The following PLEKHA6 variants were observed in gnomAD, a reference collection of about 807,000 sequenced individuals.
The protein encoded by PLEKHA6 is pleckstrin homology domain containing A6.
PLEKHA6 carries 60 observed loss-of-function variants against 116.7 expected under a neutral mutation model. That is an observed-to-expected ratio of 0.51 (90% CI 0.42 to 0.64). PLEKHA6 has a LOEUF of 0.64. PLEKHA6 is among the 30% of genes least tolerant of loss of function. The pLI is 0.00. For synonymous variants in PLEKHA6, 489 were observed against 556.1 expected (o/e 0.88, Z 1.70); for missense variants, 1,338 against 1,422.7 (o/e 0.94, Z 0.96).
intron 21 of PLEKHA6, among the ~76,000 whole-genome samples, chr1:204,225,939 C>T (rs1005082995): frequency 2.6e-5 from 4 of 152,250 alleles, no homozygotes; most frequent in South Asian, 2.1e-4. Context: ...ATATTACATA[C>T]CTGAGTCTGC....
At chr1:204,285,377 T>A (rs916595068) in intron 1 of PLEKHA6, among the ~76,000 whole-genome samples, 9 of 152,184 alleles carry the variant, frequency 5.9e-5, no homozygotes, top group Non-Finnish European at 1.3e-4. Flanking sequence ...AATGATATAC[T>A]CCAAAGTTCA....
At chr1:204,254,086 G>A (rs191544662) in intron 9 of PLEKHA6, among the ~76,000 whole-genome samples, 98 of 152,344 alleles carry the variant, frequency 6.4e-4, no homozygotes, top group South Asian at 4.4e-3. Context: ...TCAGGAATCC[G>A]GAGGTGGGTG....
rs1659426288 is a variant in PLEKHA6, at chr1:204,219,440, A to G, written c.*3348T>C. The G allele has an allele frequency of 6.6e-6, 1 of 152,504 alleles. No homozygotes were observed. The highest frequency in any genetic ancestry group is 1.5e-5 in the Non-Finnish European group (1 of 68,036). The allele number at this position is 152,504 out of a possible 1,614,324, so 9.4% of individuals were successfully genotyped here. On this transcript the variant is annotated 3_prime_UTR_variant, in exon 23 of 23. Transcript: ENST00000272203. ...CTTAGAAAATCTTCAAAGTGACAGT[A>G]GCAGTATTTGACTGCAGCCTCTTGG...
chr1:204,286,234 C>T (rs747229911), intron 1 of PLEKHA6, among the ~76,000 whole-genome samples: 3 of 152,060 alleles, frequency 2.0e-5, no homozygotes, highest in Non-Finnish European at 2.9e-5. Flanking sequence ...TGCTCCTAGG[C>T]CTAGACCTAG....
chr1:204,221,501 G>A lies in PLEKHA6; in HGVS notation c.*1287C>T, dbSNP rs1293867660. ...CCCTCCCGGGGCAGGTGGATCATGAGAGCGCCTAGCCTCAGCCAGTCCTCG... is the reference window on the plus strand; with the variant it reads ...CCCTCCCGGGGCAGGTGGATCATGAAAGCGCCTAGCCTCAGCCAGTCCTCG... On this transcript the variant is annotated 3_prime_UTR_variant, in exon 23 of 23. Transcript: ENST00000272203. 6.6e-6 allele frequency: 1 copy of A among 152,636 alleles called. No individual in the cohort carries two copies. The highest frequency in any genetic ancestry group is 1.5e-5 in the Non-Finnish European group (1 of 68,050). 9.5% of individuals were successfully genotyped at this position (152,636 alleles called of 1,614,324 possible).
intron 1 of PLEKHA6, among the ~76,000 whole-genome samples, chr1:204,355,128 A>G (rs1009294029): frequency 2.6e-5 from 4 of 152,260 alleles, no homozygotes; most frequent in African/African-American, 9.6e-5. Context: ...GTCTTGAACA[A>G]GGAGACTTGG....
At chr1:204,239,923 AT>A (rs1334903464) in intron 17 of PLEKHA6, among the ~76,000 whole-genome samples, 1 of 152,176 alleles carries the variant, frequency 6.6e-6, no homozygotes, top group Non-Finnish European at 1.5e-5. Context: ...TCCTTTTCCC[AT>A]GACATTATGT....
At chr1:204,249,725 G>C (rs1184413268) in intron 10 of PLEKHA6, among the ~76,000 whole-genome samples, 2 of 152,028 alleles carry the variant, frequency 1.3e-5, no homozygotes, top group East Asian at 3.9e-4. Flanking sequence ...TCCCTTCAAA[G>C]TCTCAGGATG....
intron 2 of PLEKHA6, chr1:204,371,466 T>C (rs552439090): frequency 4.6e-5 from 7 of 152,452 alleles, no homozygotes; most frequent in African/African-American, 1.7e-4. Flanking sequence ...ACAGGATTCC[T>C]GCTGCCACCT....
intron 9 of PLEKHA6, chr1:204,255,527 A>G: frequency 1.5e-6 from 1 of 677,386 alleles, no homozygotes. Context: ...TTGCACCAAC[A>G]AAGGTTGTCA....
intron 1 of PLEKHA6, among the ~76,000 whole-genome samples, chr1:204,350,131 G>A (rs753032029): frequency 1.4e-4 from 21 of 152,168 alleles, no homozygotes; most frequent in African/African-American, 4.6e-4. Flanking sequence ...AGACCAGCCT[G>A]GACAACATGG....
intron 1 of PLEKHA6, among the ~76,000 whole-genome samples, chr1:204,332,575 T>G (rs1038331414): frequency 2.0e-5 from 3 of 151,966 alleles, no homozygotes; most frequent in African/African-American, 7.3e-5. Context: ...AGAGATGGGG[T>G]TTCACCATGT....
At chr1:204,371,299 A>G (rs530848768) in intron 2 of PLEKHA6, among the ~76,000 whole-genome samples, 1 of 152,326 alleles carries the variant, frequency 6.6e-6, no homozygotes, top group East Asian at 1.9e-4. Flanking sequence ...TTTGTCCTCA[A>G]AGGCCCATCT....
At chr1:204,240,441 G>A (rs982150868) in intron 17 of PLEKHA6, among the ~76,000 whole-genome samples, 3 of 152,240 alleles carry the variant, frequency 2.0e-5, no homozygotes, top group Non-Finnish European at 4.4e-5. Context: ...ATGGTCATGA[G>A]TATTTCCTCC....
rs1413564221 is a variant in PLEKHA6 at position 204,320,138 on chromosome 1, G to A, written c.-95+39556C>T. ...CTCTCCTTTCCCACCATAAGGAAGGGAACAAAGAACCAGCTGCCTCTTCCC... is the reference window on the plus strand; with the variant it reads ...CTCTCCTTTCCCACCATAAGGAAGGAAACAAAGAACCAGCTGCCTCTTCCC... On this transcript the variant is annotated intron_variant, in intron 1 of 22. Transcript: ENST00000272203. Among the ~76,000 whole-genome samples, 7 of 152,320 alleles carry A rather than the reference G, an allele frequency of 4.6e-5. No homozygotes were observed. In the East Asian group the frequency reaches 1.4e-3, roughly 29 times the overall value.
chr1:204,330,269 G>A (rs1332977838), intron 1 of PLEKHA6, among the ~76,000 whole-genome samples: 1 of 152,180 alleles, frequency 6.6e-6, no homozygotes, highest in Admixed American at 6.5e-5. Flanking sequence ...CAAGTGCCGG[G>A]ATTACAAGCA....
At chr1:204,311,154 G>A (rs1224930960) in intron 1 of PLEKHA6, among the ~76,000 whole-genome samples, 1 of 152,214 alleles carries the variant, frequency 6.6e-6, no homozygotes, top group Non-Finnish European at 1.5e-5. Context: ...TGCAGAGACA[G>A]CACACTCACT....
chr1:204,304,245 C>G (rs1009708153), intron 1 of PLEKHA6, among the ~76,000 whole-genome samples: 1 of 152,228 alleles, frequency 6.6e-6, no homozygotes, highest in Admixed American at 6.5e-5. Context: ...CAAAGCCCTG[C>G]TATCCCTGCT....
At chr1:204,348,668 C>A (rs576218935) in intron 1 of PLEKHA6, among the ~76,000 whole-genome samples, 3 of 151,986 alleles carry the variant, frequency 2.0e-5, no homozygotes, top group African/African-American at 7.3e-5. Flanking sequence ...CAGCCACTCG[C>A]GCCCCTCTTG....
Sources: allele counts gnomAD v4.1 joint callset (sites outside exome capture counted in the v4.1 genomes callset), GRCh38; gene constraint gnomAD v4.1.1; transcripts MANE v1.5; gene names NCBI Gene and HGNC (gene_info 2026-07-23, HGNC 2026-07-21).